MGAT5: variants seen among roughly 807,000 people sequenced by gnomAD.
MGAT5 encodes the protein alpha-1,6-mannosylglycoprotein 6-beta-N-acetylglucosaminyltransferase.
In MGAT5, 30 loss-of-function variants were observed where a neutral mutation model predicts 94.3. That is an observed-to-expected ratio of 0.32 (90% CI 0.24 to 0.43). The LOEUF is 0.43. MGAT5 is among the 20% of genes least tolerant of loss of function. The pLI is 1.00. For missense variants in MGAT5, 691 were observed against 905.5 expected, an observed-to-expected ratio of 0.76 and a Z score of 3.04; for synonymous variants, 310 against 322.9, an observed-to-expected ratio of 0.96 and a Z score of 0.43.
intron 1 of MGAT5, among the ~76,000 whole-genome samples, chr2:134,161,927 A>C (rs1167828041): frequency 2.0e-5 from 3 of 152,120 alleles, no homozygotes; most frequent in Non-Finnish European, 4.4e-5. Flanking sequence ...GCAGTGGCTC[A>C]TGACTGTAAT....
chr2:134,305,197 G>A (rs745796459), intron 2 of MGAT5, among the ~76,000 whole-genome samples: 2 of 152,150 alleles, frequency 1.3e-5, no homozygotes, highest in Non-Finnish European at 2.9e-5. Flanking sequence ...AGTAAGGTAA[G>A]AGACCACAAC....
At chr2:134,431,461 A>G (rs1428417280) in intron 14 of MGAT5, among the ~76,000 whole-genome samples, 1 of 152,164 alleles carries the variant, frequency 6.6e-6, no homozygotes, top group Non-Finnish European at 1.5e-5. Context: ...CCAAGACCCC[A>G]TTGGTTCACA....
At chr2:134,267,961 T>A (rs1683818792) in intron 1 of MGAT5, among the ~76,000 whole-genome samples, 1 of 152,240 alleles carries the variant, frequency 6.6e-6, no homozygotes, top group Non-Finnish European at 1.5e-5. Context: ...GTTGAGAGAA[T>A]GCACCTAATT....
At chr2:134,235,671 C>T (rs1237890864) in intron 1 of MGAT5, among the ~76,000 whole-genome samples, 1 of 151,822 alleles carries the variant, frequency 6.6e-6, no homozygotes, top group African/African-American at 2.4e-5. Flanking sequence ...AAACTCTCCC[C>T]ACCCCAGATC....
At chr2:134,300,200 G>C (rs1327506343) in intron 2 of MGAT5, among the ~76,000 whole-genome samples, 1 of 152,108 alleles carries the variant, frequency 6.6e-6, no homozygotes, top group Non-Finnish European at 1.5e-5. Flanking sequence ...TTACCTTTCA[G>C]ATTTCCCTCA....
At chr2:134,216,100 A>G (rs1680483736) in intron 1 of MGAT5, among the ~76,000 whole-genome samples, 1 of 152,216 alleles carries the variant, frequency 6.6e-6, no homozygotes, top group Admixed American at 6.5e-5. Context: ...GTGGTTCTGT[A>G]AGAAGCTGGT....
chr2:134,233,887 A>G lies in MGAT5; in HGVS notation c.-142-20375A>G, dbSNP rs556013694. Among the ~76,000 whole-genome samples, 11 of 152,336 alleles carry G rather than the reference A, an allele frequency of 7.2e-5. No homozygotes were observed. The East Asian group carries it at 1.9e-3, about 27-fold the overall frequency. On this transcript the variant is annotated intron_variant, in intron 1 of 16. Coordinates refer to the MGAT5 transcript ENST00000409645. ...GCCACACCAGATTGCCTCTCTATTC[A>G]TGCACAACACTCTAGGTTTGACTCT...
At chr2:134,335,201 T>C (rs1573842560) in intron 4 of MGAT5, among the ~76,000 whole-genome samples, 1 of 13,992 alleles carries the variant, frequency 7.1e-5, no homozygotes, top group African/African-American at 1.4e-4. Flanking sequence ...CCCATGAGGC[T>C]ATAGCTCCAC....
At chr2:134,292,972 C>T (rs1685462152) in intron 2 of MGAT5, among the ~76,000 whole-genome samples, 1 of 152,188 alleles carries the variant, frequency 6.6e-6, no homozygotes, top group African/African-American at 2.4e-5. Context: ...GGTCATGGAC[C>T]TTCACAGATG....
chr2:134,120,215 C>A (rs986795887), exon 1 of MGAT5: 3 of 332,394 alleles, frequency 9.0e-6, no homozygotes, highest in South Asian at 1.4e-4. Flanking sequence ...CTCGGGGCGT[C>A]GCGACCTCGC....
rs1297437365 is a variant in MGAT5 at position 134,349,798 on chromosome 2, C to A, written c.1113-7C>A. ...GTAGTGTTCAACACATTGCTTTTTT[C>A]TTTCAGGTGCATGCTCCGAGTCCTT... On this transcript the variant is annotated splice_polypyrimidine_tract_variant and splice_region_variant and intron_variant, in intron 8 of 15. Transcript: ENST00000281923. 1 of 1,611,820 alleles carries A rather than the reference C, an allele frequency of 6.2e-7. No individual in the cohort carries two copies. The highest frequency in any genetic ancestry group is 2.2e-5 in the East Asian group (1 of 44,880).
chr2:134,384,742 C>T (rs1681865156), intron 10 of MGAT5, among the ~76,000 whole-genome samples: 1 of 151,376 alleles, frequency 6.6e-6, no homozygotes, highest in African/African-American at 2.4e-5. Flanking sequence ...AAAGTAAGGG[C>T]CAAACCACTG....
At chr2:134,413,943 A>G (rs1477871205) in intron 12 of MGAT5, among the ~76,000 whole-genome samples, 2 of 152,204 alleles carry the variant, frequency 1.3e-5, no homozygotes, top group African/African-American at 4.8e-5. Context: ...TATAAGATGC[A>G]TTTTCAATGG....
intron 1 of MGAT5, among the ~76,000 whole-genome samples, chr2:134,265,322 C>T (rs541923778): frequency 6.6e-6 from 1 of 152,160 alleles, no homozygotes; most frequent in Non-Finnish European, 1.5e-5. Context: ...GATCCCATCT[C>T]CTTGAATTCC....
intron 1 of MGAT5, among the ~76,000 whole-genome samples, chr2:134,179,769 G>C (rs942417618): frequency 9.2e-5 from 14 of 152,180 alleles, no homozygotes; most frequent in African/African-American, 3.1e-4. Context: ...TTAAATAGGG[G>C]CTAAATATGA....
intron 1 of MGAT5, among the ~76,000 whole-genome samples, chr2:134,168,247 T>C (rs1688044895): frequency 6.6e-6 from 1 of 152,170 alleles, no homozygotes; most frequent in Non-Finnish European, 1.5e-5. Flanking sequence ...TGAGGCCCCA[T>C]GACGACCTCT....
chr2:134,448,872 A>G lies in MGAT5; in HGVS notation c.*25A>G, dbSNP rs772630622. The G allele has an allele frequency of 5.0e-6, 8 of 1,604,850 alleles. No individual in the cohort carries two copies. The highest frequency in any genetic ancestry group is 3.3e-5 in the South Asian group (3 of 90,320). On this transcript the variant is annotated 3_prime_UTR_variant, in exon 16 of 16. Transcript: ENST00000281923. ...GCAGCTACCTGCTCAGCCCTGCACCATGCTGCTGGGGAAGACAGTGGCCCC... is the reference window on the plus strand; with the variant it reads ...GCAGCTACCTGCTCAGCCCTGCACCGTGCTGCTGGGGAAGACAGTGGCCCC...
intron 1 of MGAT5, among the ~76,000 whole-genome samples, chr2:134,215,606 C>T (rs1680453040): frequency 6.6e-6 from 1 of 152,166 alleles, no homozygotes. Context: ...CTTGATACTG[C>T]ATTAATCCTA....
At chr2:134,346,426 T>C (rs1688928544) in intron 8 of MGAT5, among the ~76,000 whole-genome samples, 1 of 152,192 alleles carries the variant, frequency 6.6e-6, no homozygotes, top group African/African-American at 2.4e-5. Context: ...GTTAGTGATA[T>C]TACCTGGCAG....
Sources: allele counts gnomAD v4.1 joint callset (sites outside exome capture counted in the v4.1 genomes callset), GRCh38; gene constraint gnomAD v4.1.1; transcripts MANE v1.5; gene names NCBI Gene and HGNC (gene_info 2026-07-23, HGNC 2026-07-21).